The following ZNF366 variants were observed in gnomAD, a reference collection of about 807,000 sequenced individuals.
ZNF366 encodes dendritic cell-specific transcript protein.
A neutral mutation model predicts 47.2 loss-of-function variants in ZNF366; 20 were observed. That is an observed-to-expected ratio of 0.42 (90% confidence interval 0.30 to 0.62). The LOEUF is 0.62. Among genes scored for constraint, ZNF366 ranks in the 20% least tolerant of loss-of-function variants. ZNF366 has a pLI of 0.16. For synonymous variants in ZNF366, 421 were observed against 395.1 expected (o/e 1.07, Z -0.78); for missense variants, 987 against 976.3 (o/e 1.01, Z -0.15).
intron 3 of ZNF366, among the ~76,000 whole-genome samples, chr5:72,456,095 C>T (rs1406452835): frequency 1.3e-5 from 2 of 152,216 alleles, no homozygotes; most frequent in Non-Finnish European, 1.5e-5. Flanking sequence ...TTACTTGCAT[C>T]CTTTAACAGC....
At chr5:72,496,970 T>C (rs761801704) in intron 1 of ZNF366, among the ~76,000 whole-genome samples, 2 of 152,208 alleles carry the variant, frequency 1.3e-5, no homozygotes, top group African/African-American at 4.8e-5. Flanking sequence ...CATTTTTAAA[T>C]TGGGTTGTTT....
intron 2 of ZNF366, among the ~76,000 whole-genome samples, chr5:72,457,643 T>C (rs776332289): frequency 2.0e-5 from 3 of 152,212 alleles, no homozygotes; most frequent in Admixed American, 6.5e-5. Flanking sequence ...ACTCTGCAGT[T>C]CTGGTGGGCC....
intron 1 of ZNF366, among the ~76,000 whole-genome samples, chr5:72,502,083 A>G (rs1744221187): frequency 6.6e-6 from 1 of 152,012 alleles, no homozygotes. Flanking sequence ...TTGTATAAAG[A>G]TAGCATCTTT....
intron 3 of ZNF366, among the ~76,000 whole-genome samples, chr5:72,447,735 CT>C (rs1431322444): frequency 6.6e-6 from 1 of 152,156 alleles, no homozygotes; most frequent in Non-Finnish European, 1.5e-5. Context: ...AGTGTTCCTC[CT>C]TTAATAATAA....
chr5:72,451,879 C>T (rs968311623), intron 3 of ZNF366, among the ~76,000 whole-genome samples: 3 of 152,220 alleles, frequency 2.0e-5, no homozygotes, highest in Admixed American at 1.3e-4. Flanking sequence ...CTGTGTGCTC[C>T]GGGCCTCCTC....
chr5:72,476,062 T>TG (rs1743668160), intron 1 of ZNF366, among the ~76,000 whole-genome samples: 3 of 152,188 alleles, frequency 2.0e-5, no homozygotes, highest in Non-Finnish European at 1.5e-5. Flanking sequence ...TTTATTTTCC[T>TG]GGTAGCACCA....
chr5:72,491,430 T>C (rs1269303598), intron 1 of ZNF366, among the ~76,000 whole-genome samples: 6 of 152,182 alleles, frequency 3.9e-5, no homozygotes, highest in African/African-American at 1.2e-4. Context: ...TGTCCAAGTA[T>C]GTTATTAATA....
At chr5:72,473,228 GAACAATGAGGC>G (rs1032555365) in intron 1 of ZNF366, among the ~76,000 whole-genome samples, 1 of 152,198 alleles carries the variant, frequency 6.6e-6, no homozygotes, top group African/African-American at 2.4e-5. Flanking sequence ...AGCCATATTG[GAACAATGAGGC>G]AACAATGCTT....
chr5:72,491,414 T>C (rs917341968), intron 1 of ZNF366, among the ~76,000 whole-genome samples: 2 of 152,216 alleles, frequency 1.3e-5, no homozygotes, highest in Non-Finnish European at 2.9e-5. Flanking sequence ...GCCAAAGTAC[T>C]AAGTATGTCC....
rs1175021296 is a variant in ZNF366 at position 72,456,562 on chromosome 5, G to A, written c.1366C>T (p.Arg456Trp). 3.7e-6 allele frequency: 6 copies of A among 1,611,746 alleles called. No homozygotes were observed. The highest frequency in any genetic ancestry group is 5.1e-6 in the Non-Finnish European group (6 of 1,178,344). The stretch of plus-strand genomic sequence containing the variant: ...ATGTTGGCCAGCAGGGTGAACTCCC[G>A]CCCACAAATCCCACACTTATGCTCC... ...VKEHKCGICG[R>W]EFTLLANMKR... Residue 456 changes from arginine (R) to tryptophan (W), a missense_variant, in exon 3 of 5, where the codon CGG (arginine) becomes TGG (tryptophan). Around this residue, in one of 3 missense-constraint regions of ZNF366, gnomAD observed 111 missense variants for 180.5 expected, o/e 0.61. Transcript: ENST00000318442.
chr5:72,444,017 C>T lies in ZNF366; in HGVS notation c.1974G>A (p.Val658=), dbSNP rs781118623. The T allele has an allele frequency of 7.4e-6, 12 of 1,614,078 alleles. No homozygotes were observed. The highest frequency in any genetic ancestry group is 1.3e-5 in the African/African-American group (1 of 74,946). The change falls in exon 5 of 5, where the codon GTG becomes GTA. Residue 658 remains valine, a synonymous_variant. Coordinates refer to ENST00000318442, the MANE Select transcript of ZNF366 (RefSeq NM_152625.3). ...LSTKSEHAPE[V]LEEACKEEKE... is the part of the protein sequence containing the mutation. ...TCTCCTCCTTGCAGGCTTCCTCCAG[C>T]ACCTCGGGGGCGTGCTCCGACTTGG... is the stretch of plus-strand genomic sequence containing the variant.
intron 1 of ZNF366, among the ~76,000 whole-genome samples, chr5:72,499,645 C>T (rs1434148352): frequency 6.6e-6 from 1 of 152,018 alleles, no homozygotes; most frequent in Admixed American, 6.6e-5. Context: ...AAAAAAACAA[C>T]TGAAAAAGTT....
intron 1 of ZNF366, among the ~76,000 whole-genome samples, chr5:72,502,856 G>T (rs4703939): frequency 0.17 from 26,430 of 152,172 alleles, 2,534 homozygotes; most frequent in East Asian, 0.38. Context: ...GGGCGCAGTA[G>T]CTCATGCCTG....
chr5:72,450,734 T>C (rs1281661472), intron 3 of ZNF366, among the ~76,000 whole-genome samples: 1 of 152,242 alleles, frequency 6.6e-6, no homozygotes, highest in Non-Finnish European at 1.5e-5. Flanking sequence ...ACCAAGCCTT[T>C]AGGTTCTTAT....
rs1282286528 is a variant in ZNF366 at position 72,460,354 on chromosome 5, C to T, written c.1143G>A (p.Lys381=). The part of the protein sequence containing the change: ...GLDFPTLAQL[K]RHLTTHRGPI... Reference sequence around the variant, plus strand: ...GGCCCCGGTGCGTGGTGAGGTGTCTCTTCAGCTGGGCCAAGGTGGGGAAGT... The same window carrying T: ...GGCCCCGGTGCGTGGTGAGGTGTCTTTTCAGCTGGGCCAAGGTGGGGAAGT... The change falls in exon 2 of 5, where the codon AAG becomes AAA. Residue 381 remains lysine (K), a synonymous_variant. Transcript: ENST00000318442. The T allele has an allele frequency of 1.2e-6, 2 of 1,614,136 alleles. No individual in the cohort carries two copies. Among genetic ancestry groups the T allele is most frequent in the African/African-American group, 2.7e-5 (2 of 74,942 alleles).
At chr5:72,469,931 G>T (rs1743524669) in intron 1 of ZNF366, among the ~76,000 whole-genome samples, 1 of 152,144 alleles carries the variant, frequency 6.6e-6, no homozygotes, top group East Asian at 1.9e-4. Flanking sequence ...TGCCTTCCCA[G>T]CTACTCAGGA....
intron 1 of ZNF366, among the ~76,000 whole-genome samples, chr5:72,461,732 G>A (rs933532970): frequency 7.9e-5 from 12 of 152,136 alleles, no homozygotes; most frequent in African/African-American, 2.7e-4. Flanking sequence ...TGACCCTAGG[G>A]CTGAATCAAA....
At chr5:72,472,654 CACACTGCAAA>C in intron 1 of ZNF366, 1 of 769,194 alleles carries the variant, frequency 1.3e-6, no homozygotes, top group Non-Finnish European at 1.6e-6. Context: ...TACAGAATTA[CACACTGCAAA>C]TATGATTAAT....
chr5:72,495,541 T>C (rs528326534), intron 1 of ZNF366, among the ~76,000 whole-genome samples: 8 of 152,222 alleles, frequency 5.3e-5, no homozygotes, highest in South Asian at 4.1e-4. Flanking sequence ...ATATTTTACA[T>C]ATTTGACAAG....
Sources: gnomAD v4.1 joint callset for allele counts (sites outside exome capture counted in the v4.1 genomes callset) on GRCh38, gnomAD v4.1.1 for gene constraint, gnomAD v4.1.1 regional missense constraint, MANE v1.5 for transcripts, NCBI Gene and HGNC (gene_info 2026-07-23, HGNC 2026-07-21) for gene names.